The following PTPA variants were observed in gnomAD, a reference collection of about 807,000 sequenced individuals.
The protein encoded by PTPA is serine/threonine-protein phosphatase 2A activator.
In PTPA, 13 loss-of-function variants were observed where a neutral mutation model predicts 43.6. That is an observed-to-expected ratio of 0.30 (90% CI 0.19 to 0.47). The LOEUF is 0.47. PTPA is among the 20% of genes least tolerant of loss of function. The pLI is 0.99. For synonymous variants in PTPA, 172 were observed against 158.2 expected, an observed-to-expected ratio of 1.09 and a Z score of -0.66; for missense variants, 329 against 411.9, an observed-to-expected ratio of 0.80 and a Z score of 1.74.
In PTPA at chr9:129,147,533, C is replaced by T. The variant is rs560434304; in HGVS notation, c.*69C>T. 14 of 1,454,482 alleles carry T rather than the reference C, an allele frequency of 9.6e-6. No homozygotes were observed. The South Asian group carries it at 1.6e-4, about 17-fold the overall frequency. The allele number at this position is 1,454,482 out of a possible 1,614,324, so 90.1% of individuals were successfully genotyped here. On this transcript the variant is annotated 3_prime_UTR_variant, in exon 10 of 10. Transcript: ENST00000393370. Reference sequence around the variant, plus strand: ...CTGCCTTCCCCACCCCAGCAGTGGCCCCTCCCCATCCCCTCCCTCTGTTCG... The same window carrying T: ...CTGCCTTCCCCACCCCAGCAGTGGCTCCTCCCCATCCCCTCCCTCTGTTCG...
chr9:129,145,969 C>G (rs1851270942), intron 9 of PTPA, among the ~76,000 whole-genome samples: 1 of 152,160 alleles, frequency 6.6e-6, no homozygotes, highest in Admixed American at 6.5e-5. Context: ...TCCTGTGGCT[C>G]TGAGGGGGCT....
chr9:129,143,019 C>T (rs982433173), intron 9 of PTPA: 75 of 1,057,550 alleles, frequency 7.1e-5, no homozygotes, highest in African/African-American at 8.0e-5. Flanking sequence ...GAGGGTAGGC[C>T]GAGAATTGGC....
At chr9:129,124,666 G>A (rs913579998) in intron 3 of PTPA, among the ~76,000 whole-genome samples, 1 of 152,212 alleles carries the variant, frequency 6.6e-6, no homozygotes, top group African/African-American at 2.4e-5. Flanking sequence ...GTCTCCCAGG[G>A]CTAGGACCTA....
At chr9:129,143,356 CCCTT>C (rs1564203845) in intron 9 of PTPA, 3 of 703,096 alleles carry the variant, frequency 4.3e-6, no homozygotes, top group East Asian at 2.7e-5. Context: ...TCCTTAAAGT[CCCTT>C]CTTTCTGTTC....
chr9:129,117,697 ACCCAG>A (rs1848970024), intron 1 of PTPA, among the ~76,000 whole-genome samples: 1 of 113,996 alleles, frequency 8.8e-6, no homozygotes, highest in Non-Finnish European at 1.9e-5. Flanking sequence ...GAGCCACCAC[ACCCAG>A]CCTCTTTTTT....
In PTPA at chr9:129,143,238, C is replaced by G. The variant is rs17486520; in HGVS notation, c.894+686C>G. On this transcript the variant is annotated intron_variant, in intron 9 of 9. Transcript: ENST00000393370. ...GGGGAGGAGACATTTTATTTCTACTCTGTCCCTTCTGCTAGCTCCTCCCAC... is the reference window on the plus strand; with the variant it reads ...GGGGAGGAGACATTTTATTTCTACTGTGTCCCTTCTGCTAGCTCCTCCCAC... 6.8e-4 allele frequency: 468 copies of G among 689,488 alleles called. 1 individual carries two copies. In the African/African-American group the frequency reaches 7.8e-3, roughly 11 times the overall value. 42.7% of individuals were successfully genotyped at this position (689,488 alleles called of 1,614,324 possible). A position where few individuals can be genotyped will look rare whatever the true frequency, so the allele number is the denominator to read the frequency against.
At chr9:129,135,209 A>G (rs1050305040) in intron 6 of PTPA, among the ~76,000 whole-genome samples, 2 of 152,196 alleles carry the variant, frequency 1.3e-5, no homozygotes, top group African/African-American at 4.8e-5. Flanking sequence ...CCTGGCCAAC[A>G]TGATGAAACC....
chr9:129,129,123 C>G lies in PTPA; in HGVS notation c.342+13C>G. ...CAAACTTGATGAGGTGAGGCTGCCA[C>G]AGGACAGGCCAGGGACTGGGCTGGC... On this transcript the variant is annotated intron_variant, in intron 4 of 9. Transcript: ENST00000393370. 6.2e-7 allele frequency: 1 copy of G among 1,611,818 alleles called. No homozygotes were observed.
chr9:129,135,018 A>C (rs1850264576), intron 6 of PTPA, 124 bp downstream of exon 6: 1 of 744,872 alleles, frequency 1.3e-6, no homozygotes, highest in Non-Finnish European at 2.2e-6. Context: ...GTCCTGTCCT[A>C]ATCAAGCTCT....
In PTPA at chr9:129,147,839, C is replaced by G. The variant is rs1851401305; in HGVS notation, c.*375C>G. On this transcript the variant is annotated 3_prime_UTR_variant, in exon 10 of 10. Coordinates refer to ENST00000393370, the MANE Select transcript of PTPA (RefSeq NM_178000.3). ...GCAGGGAAGGGAGGAGAGATACCTG[C>G]TGCTTCCATTGCTTTTCCCTTCCTG... 2 of 227,908 alleles carry G rather than the reference C, an allele frequency of 8.8e-6. No individual in the cohort carries two copies. Among genetic ancestry groups the G allele is most frequent in the South Asian group, 5.7e-5 (1 of 17,426 alleles). The allele number at this position is 227,908 out of a possible 1,614,324, so 14.1% of individuals were successfully genotyped here.
At chr9:129,142,322 T>G in intron 8 of PTPA, 123 bp from the exon 9 acceptor site, 9 of 856,754 alleles carry the variant, frequency 1.1e-5, no homozygotes, top group Non-Finnish European at 1.6e-5. Flanking sequence ...TGCGCGTGCA[T>G]TGTGTGCGTG....
chr9:129,127,957 T>A, intron 3 of PTPA: 1 of 1,321,380 alleles, frequency 7.6e-7, no homozygotes, highest in South Asian at 1.2e-5. Flanking sequence ...ATTATGTTTA[T>A]ATGTAGATGT....
rs770784540 is a variant in PTPA at position 129,123,069 on chromosome 9, C to T, written c.147C>T (p.Ile49=). 27 of 1,610,876 alleles carry T rather than the reference C, an allele frequency of 1.7e-5. No individual in the cohort carries two copies. Among genetic ancestry groups the T allele is most frequent in the South Asian group, 9.9e-5 (9 of 91,052 alleles). ...WKRSQAYADY[I]GFILTLNEGV... ...TTTGGTAGGCATACGCTGACTACAT[C>T]GGATTCATCCTTACCCTCAACGAAG... is the stretch of plus-strand genomic sequence containing the variant. Residue 49 remains isoleucine (I), a synonymous_variant, in exon 3 of 10, where the codon ATC becomes ATT. Transcript: ENST00000393370.
At chr9:129,122,794 G>A (rs1229546938) in intron 2 of PTPA, among the ~76,000 whole-genome samples, 1 of 152,236 alleles carries the variant, frequency 6.6e-6, no homozygotes, top group Non-Finnish European at 1.5e-5. Flanking sequence ...AAAAACTGCT[G>A]GCAGCAATAG....
At chr9:129,125,544 A>C (rs562118260) in intron 3 of PTPA, among the ~76,000 whole-genome samples, 1 of 152,270 alleles carries the variant, frequency 6.6e-6, no homozygotes, top group Non-Finnish European at 1.5e-5. Context: ...CGCCCGGCCC[A>C]GGTATTGTCT....
intron 9 of PTPA, among the ~76,000 whole-genome samples, chr9:129,144,337 C>T (rs980948660): frequency 6.6e-6 from 1 of 152,150 alleles, no homozygotes; most frequent in East Asian, 1.9e-4. Flanking sequence ...TGGGGGAGCT[C>T]TCTAGTAATC....
chr9:129,127,978 T>G (rs1187744921), intron 3 of PTPA: 2 of 1,337,526 alleles, frequency 1.5e-6, no homozygotes, highest in Admixed American at 4.2e-5. Flanking sequence ...GGAATGAGGT[T>G]CATGAGGAAA....
At chr9:129,146,770 C>CGGGCT (rs1377693405) in intron 9 of PTPA, among the ~76,000 whole-genome samples, 12 of 152,250 alleles carry the variant, frequency 7.9e-5, no homozygotes, top group Admixed American at 7.2e-4. Flanking sequence ...GCTAGGAGCC[C>CGGGCT]GGGCTGGGCT....
intron 8 of PTPA, chr9:129,139,716 G>GCGTACA (rs1420357196): frequency 3.9e-5 from 6 of 152,282 alleles, no homozygotes; most frequent in Non-Finnish European, 7.3e-5. Context: ...GCCTTGCTTG[G>GCGTACA]GAAGGAGGCA....
Sources: gnomAD v4.1 joint callset for allele counts (sites outside exome capture counted in the v4.1 genomes callset) on GRCh38, gnomAD v4.1.1 for gene constraint, MANE v1.5 for transcripts, NCBI Gene and HGNC (gene_info 2026-07-23, HGNC 2026-07-21) for gene names.